The following COG5 variants were observed in gnomAD, a reference collection of about 807,000 sequenced individuals.
COG5 encodes the protein component of oligomeric golgi complex 5.
COG5 carries 86 observed loss-of-function variants against 110.4 expected under a neutral mutation model. That is an observed-to-expected ratio of 0.78 (90% CI 0.65 to 0.93). COG5 has a LOEUF of 0.93. Among genes scored for constraint, COG5 ranks in the 40% least tolerant of loss-of-function variants. COG5 has a pLI of 0.00. For synonymous variants in COG5, 360 were observed against 334.6 expected, an observed-to-expected ratio of 1.08 and a Z score of -0.83; for missense variants, 1,077 against 987.0, an observed-to-expected ratio of 1.09 and a Z score of -1.22.
At chr7:107,267,023 A>T (rs1803857294) in intron 14 of COG5, among the ~76,000 whole-genome samples, 1 of 152,218 alleles carries the variant, frequency 6.6e-6, no homozygotes, top group African/African-American at 2.4e-5. Flanking sequence ...TATTAAAGAG[A>T]TGACAGCTTG....
At chr7:107,561,076 A>C (rs1437151518) in intron 1 of COG5, among the ~76,000 whole-genome samples, 2 of 152,244 alleles carry the variant, frequency 1.3e-5, no homozygotes, top group Non-Finnish European at 2.9e-5. Flanking sequence ...AAAAGAAGGG[A>C]TAAAGAAAGT....
chr7:107,289,439 TTTC>T (rs998501154), intron 12 of COG5, among the ~76,000 whole-genome samples: 18 of 152,120 alleles, frequency 1.2e-4, no homozygotes, highest in African/African-American at 2.4e-4. Context: ...CTACACTCTT[TTTC>T]TTCTTCTTCT....
intron 10 of COG5, among the ~76,000 whole-genome samples, chr7:107,354,908 T>C (rs1029925170): frequency 3.9e-5 from 6 of 152,218 alleles, no homozygotes; most frequent in African/African-American, 1.4e-4. Context: ...TCTTAATTAC[T>C]ACATTGTCCT....
At chr7:107,441,756 CAT>C (rs1339116134) in intron 6 of COG5, among the ~76,000 whole-genome samples, 1 of 152,128 alleles carries the variant, frequency 6.6e-6, no homozygotes, top group Non-Finnish European at 1.5e-5. Flanking sequence ...TTACTTAGAC[CAT>C]ATGTGCTAAA....
Position 107,225,900 on chromosome 7 carries a change from G to C in COG5, c.2168+4715C>G, listed in dbSNP as rs987170588. 3.9e-5 allele frequency among the ~76,000 whole-genome samples: 6 copies of C among 152,062 alleles called. No homozygotes were observed. In the South Asian group the frequency reaches 1.2e-3, roughly 32 times the overall value. ...TCTACTAAAAATACAAAAATTTGCC[G>C]GGCATGGTGGCAGGGGCCTGTAATC... On this transcript the variant is annotated intron_variant, in intron 19 of 21. Coordinates refer to ENST00000297135, the MANE Select transcript of COG5 (RefSeq NM_006348.5).
At chr7:107,374,284 G>A (rs2129050714) in intron 7 of COG5, among the ~76,000 whole-genome samples, 1 of 152,162 alleles carries the variant, frequency 6.6e-6, no homozygotes, top group Admixed American at 6.5e-5. Flanking sequence ...AAATCAAAAT[G>A]AGGCAGCTGT....
chr7:107,523,303 T>C (rs866878201), intron 6 of COG5, among the ~76,000 whole-genome samples: 3 of 152,096 alleles, frequency 2.0e-5, no homozygotes, highest in African/African-American at 7.2e-5. Flanking sequence ...CAATTTCCAA[T>C]TGCTTGTTGC....
intron 3 of COG5, among the ~76,000 whole-genome samples, chr7:107,549,981 T>C (rs1473938234): frequency 6.6e-6 from 1 of 152,174 alleles, no homozygotes; most frequent in East Asian, 1.9e-4. Flanking sequence ...TATCTGCCTA[T>C]GTTCTCATTC....
chr7:107,500,103 A>C (rs1798544647), intron 6 of COG5, among the ~76,000 whole-genome samples: 1 of 152,230 alleles, frequency 6.6e-6, no homozygotes, highest in Admixed American at 6.5e-5. Context: ...AAACAAAGGA[A>C]GTGGGAAGTC....
chr7:107,329,358 T>C (rs1584685407), intron 10 of COG5, among the ~76,000 whole-genome samples: 1 of 150,594 alleles, frequency 6.6e-6, no homozygotes, highest in African/African-American at 2.4e-5. Flanking sequence ...TGGGAAAGTA[T>C]AGAAGATAAT....
At chr7:107,260,598 A>C (rs1389745106) in intron 14 of COG5, among the ~76,000 whole-genome samples, 1 of 152,204 alleles carries the variant, frequency 6.6e-6, no homozygotes, top group Non-Finnish European at 1.5e-5. Context: ...AAAAAATCCC[A>C]GGATTCCAAG....
intron 10 of COG5, among the ~76,000 whole-genome samples, chr7:107,338,301 A>G (rs1810881159): frequency 6.6e-6 from 1 of 152,148 alleles, no homozygotes; most frequent in Admixed American, 6.5e-5. Flanking sequence ...AACAAGACAT[A>G]TAGGCCAATG....
intron 6 of COG5, among the ~76,000 whole-genome samples, chr7:107,460,125 G>A (rs996013627): frequency 2.6e-5 from 4 of 152,058 alleles, no homozygotes; most frequent in South Asian, 4.1e-4. Context: ...ACACTTGGCC[G>A]AGCACGGTGG....
At chr7:107,251,536 A>G (rs1048427079) in intron 16 of COG5, among the ~76,000 whole-genome samples, 9 of 152,212 alleles carry the variant, frequency 5.9e-5, no homozygotes, top group Non-Finnish European at 1.3e-4. Flanking sequence ...TTCTGTTATC[A>G]GAATTAAATT....
chr7:107,374,461 CCA>C (rs2129050774), intron 7 of COG5, among the ~76,000 whole-genome samples: 1 of 152,180 alleles, frequency 6.6e-6, no homozygotes, highest in East Asian at 1.9e-4. Context: ...CATAGCTTCT[CCA>C]CACACAGTAC....
At chr7:107,506,115 G>A (rs1245618527) in intron 6 of COG5, among the ~76,000 whole-genome samples, 1 of 152,216 alleles carries the variant, frequency 6.6e-6, no homozygotes, top group Non-Finnish European at 1.5e-5. Flanking sequence ...GGCCAGGGTA[G>A]TAGAGGCAAT....
intron 21 of COG5, among the ~76,000 whole-genome samples, chr7:107,205,360 GTGCTA>G (rs949658333): frequency 1.3e-5 from 2 of 152,162 alleles, no homozygotes; most frequent in Non-Finnish European, 2.9e-5. Flanking sequence ...AGCCCTTTCT[GTGCTA>G]CTGCTGGGTT....
chr7:107,322,824 C>A (rs1809422775), intron 11 of COG5, among the ~76,000 whole-genome samples: 1 of 151,906 alleles, frequency 6.6e-6, no homozygotes, highest in Non-Finnish European at 1.5e-5. Context: ...TTCTCAACTG[C>A]AGAATGGATA....
At chr7:107,511,654 C>G (rs1273015278) in intron 6 of COG5, among the ~76,000 whole-genome samples, 2 of 152,192 alleles carry the variant, frequency 1.3e-5, no homozygotes, top group African/African-American at 2.4e-5. Context: ...CAATACAATA[C>G]TGGCAAACCG....
Sources: allele counts gnomAD v4.1 joint callset (sites outside exome capture counted in the v4.1 genomes callset), GRCh38; gene constraint gnomAD v4.1.1; transcripts MANE v1.5; gene names NCBI Gene and HGNC (gene_info 2026-07-23, HGNC 2026-07-21).